The following ESRRG variants were observed in gnomAD, a reference collection of about 807,000 sequenced individuals.
The protein encoded by ESRRG is estrogen-related receptor gamma.
In ESRRG, 13 loss-of-function variants were observed where a neutral mutation model predicts 44.0. That is an observed-to-expected ratio of 0.30 (90% CI 0.19 to 0.47). The LOEUF is 0.47. Among genes scored for constraint, ESRRG ranks in the 20% least tolerant of loss-of-function variants. ESRRG has a pLI of 1.00. For missense variants in ESRRG, 395 were observed against 580.6 expected, an observed-to-expected ratio of 0.68 and a Z score of 3.29; for synonymous variants, 215 against 214.6, an observed-to-expected ratio of 1.00 and a Z score of -0.02.
chr1:216,545,849 AAATGTACTGCT>A (rs1288081719), intron 5 of ESRRG, among the ~76,000 whole-genome samples: 1 of 152,060 alleles, frequency 6.6e-6, no homozygotes, highest in Non-Finnish European at 1.5e-5. Flanking sequence ...ACCAAAGATA[AAATGTACTGCT>A]CGGTCACAGA....
At chr1:216,868,415 T>C (rs2096207861) in intron 2 of ESRRG, among the ~76,000 whole-genome samples, 1 of 152,162 alleles carries the variant, frequency 6.6e-6, no homozygotes, top group African/African-American at 2.4e-5. Context: ...TTATTATTGC[T>C]GAGTAGTGTT....
At chr1:216,838,175 C>T (rs1364785992) in intron 2 of ESRRG, among the ~76,000 whole-genome samples, 2 of 152,142 alleles carry the variant, frequency 1.3e-5, no homozygotes, top group East Asian at 3.9e-4. Context: ...TAGCCAAGCA[C>T]CTGAAGCCAG....
chr1:217,112,349 C>G lies in ESRRG; in HGVS notation c.-230+25318G>C, dbSNP rs73103099. On this transcript the variant is annotated intron_variant, in intron 1 of 8. Transcript: ENST00000366940. ...AGTAGCAAGCACTAGATCTTAGGAC[C>G]TTGAGGAGATAGATATGAAAGCTGC... 2.9e-3 allele frequency among the ~76,000 whole-genome samples: 443 copies of G among 152,144 alleles called. 1 individual carries two copies. Among genetic ancestry groups the G allele is most frequent in the African/African-American group, 0.01 (426 of 41,492 alleles).
At chr1:216,930,101 T>C (rs2149809295) in intron 2 of ESRRG, among the ~76,000 whole-genome samples, 1 of 152,312 alleles carries the variant, frequency 6.6e-6, no homozygotes, top group South Asian at 2.1e-4. Context: ...GTCATCTTCC[T>C]TTCTGACTCA....
At chr1:216,969,225 C>T (rs947898709) in intron 1 of ESRRG, among the ~76,000 whole-genome samples, 3 of 152,100 alleles carry the variant, frequency 2.0e-5, no homozygotes, top group African/African-American at 7.2e-5. Flanking sequence ...TCATGAAGCT[C>T]ACCTTCCAGT....
chr1:216,795,487 T>C (rs2094448236), intron 2 of ESRRG, among the ~76,000 whole-genome samples: 1 of 151,522 alleles, frequency 6.6e-6, no homozygotes. Context: ...ATTACAGGCA[T>C]GTGCCACTGT....
intron 2 of ESRRG, among the ~76,000 whole-genome samples, chr1:216,655,138 G>A (rs1430096203): frequency 6.6e-6 from 1 of 152,074 alleles, no homozygotes; most frequent in African/African-American, 2.4e-5. Flanking sequence ...TAAAAGCAGG[G>A]GAGGTTTTCC....
intron 2 of ESRRG, among the ~76,000 whole-genome samples, chr1:216,858,709 G>A (rs1361380878): frequency 6.6e-6 from 1 of 152,180 alleles, no homozygotes; most frequent in Non-Finnish European, 1.5e-5. Context: ...GAGGCCTAGG[G>A]AGATTTGGTG....
At chr1:216,702,090 T>A (rs1021226152) in intron 1 of ESRRG, among the ~76,000 whole-genome samples, 1 of 152,214 alleles carries the variant, frequency 6.6e-6, no homozygotes, top group African/African-American at 2.4e-5. Flanking sequence ...AAGCAAGTAG[T>A]TATCGCTAAT....
chr1:216,729,846 CT>C (rs1406111261), intron 2 of ESRRG, among the ~76,000 whole-genome samples: 2 of 152,284 alleles, frequency 1.3e-5, no homozygotes, highest in East Asian at 3.9e-4. Context: ...CCTAGGAGCT[CT>C]TTTGATCAGA....
At chr1:216,975,377 T>C (rs1413123502) in intron 1 of ESRRG, among the ~76,000 whole-genome samples, 6 of 152,232 alleles carry the variant, frequency 3.9e-5, no homozygotes, top group Non-Finnish European at 1.5e-5. Context: ...TCTGTTTAAC[T>C]TTTGGTAAAA....
intron 2 of ESRRG, among the ~76,000 whole-genome samples, chr1:216,800,707 T>G: frequency 6.6e-6 from 1 of 152,132 alleles, no homozygotes; most frequent in East Asian, 1.9e-4. Context: ...CTCATAAAAT[T>G]TAGTACTCCA....
intron 2 of ESRRG, among the ~76,000 whole-genome samples, chr1:216,779,494 T>TTATAAATA (rs1559607941): frequency 2.2e-4 from 1 of 4,608 alleles, no homozygotes. Flanking sequence ...AAATATATAT[T>TTATAAATA]TATATATAAA....
chr1:216,980,189 C>T (rs1319364850), intron 1 of ESRRG, among the ~76,000 whole-genome samples: 2 of 152,132 alleles, frequency 1.3e-5, no homozygotes, highest in African/African-American at 4.8e-5. Context: ...TGCTTGCGTT[C>T]CATGTTGCAC....
intron 2 of ESRRG, among the ~76,000 whole-genome samples, chr1:216,804,043 T>A (rs935304595): frequency 7.2e-6 from 1 of 139,642 alleles, no homozygotes; most frequent in Non-Finnish European, 1.6e-5. Flanking sequence ...AAAAAAAAAA[T>A]ATTCACACCA....
At chr1:216,932,716 CTTGTTT>C (rs1297361275) in intron 2 of ESRRG, among the ~76,000 whole-genome samples, 26 of 110,664 alleles carry the variant, frequency 2.3e-4, no homozygotes, top group Non-Finnish European at 4.1e-4. Flanking sequence ...TGCCACCAAA[CTTGTTT>C]TTTTTTTTTT....
At chr1:216,926,444 G>A (rs969050774) in intron 2 of ESRRG, among the ~76,000 whole-genome samples, 8 of 150,312 alleles carry the variant, frequency 5.3e-5, no homozygotes, top group Admixed American at 2.0e-4. Flanking sequence ...CTCCTGTTTC[G>A]TTCCTGTGAC....
At chr1:216,634,363 CA>C (rs2064855199) in intron 3 of ESRRG, among the ~76,000 whole-genome samples, 1 of 151,532 alleles carries the variant, frequency 6.6e-6, no homozygotes, top group Non-Finnish European at 1.5e-5. Flanking sequence ...GCAAGAGTTA[CA>C]GTGTTCTCCT....
intron 2 of ESRRG, among the ~76,000 whole-genome samples, chr1:216,730,118 G>A (rs1052604727): frequency 2.6e-5 from 4 of 151,898 alleles, no homozygotes; most frequent in East Asian, 3.9e-4. Context: ...CCAGTGCTTC[G>A]TTAGCAACAA....
Sources: allele counts gnomAD v4.1 joint callset (sites outside exome capture counted in the v4.1 genomes callset), GRCh38; gene constraint gnomAD v4.1.1; transcripts MANE v1.5; gene names NCBI Gene and HGNC (gene_info 2026-07-23, HGNC 2026-07-21).